WDR72: variants seen among roughly 807,000 people sequenced by gnomAD.
The protein encoded by WDR72 is WD repeat-containing protein 72.
A neutral mutation model predicts 124.2 loss-of-function variants in WDR72; 120 were observed. The ratio of observed to expected loss-of-function variants is 0.97; its 90% CI spans 0.83 to 1.12. WDR72 has a LOEUF of 1.12. Ranked by LOEUF, WDR72 falls within the 50% of genes most tolerant of loss-of-function variation. The pLI is 0.00. For missense variants in WDR72, 1,387 were observed against 1,278.8 expected (o/e 1.08, Z -1.29); for synonymous variants, 452 against 441.7 (o/e 1.02, Z -0.29).
intron 18 of WDR72, among the ~76,000 whole-genome samples, chr15:53,553,152 G>C (rs1484566191): frequency 6.6e-6 from 1 of 152,118 alleles, no homozygotes; most frequent in Non-Finnish European, 1.5e-5. Flanking sequence ...CGGTAGAGGG[G>C]AGATGTAATT....
intron 13 of WDR72, among the ~76,000 whole-genome samples, chr15:53,693,843 T>C (rs1391897804): frequency 6.6e-6 from 1 of 152,206 alleles, no homozygotes; most frequent in African/African-American, 2.4e-5. Context: ...AAATGTTTGT[T>C]TTAAAACTTG....
intron 18 of WDR72, among the ~76,000 whole-genome samples, chr15:53,529,700 A>G (rs973319155): frequency 7.2e-5 from 11 of 151,980 alleles, no homozygotes; most frequent in East Asian, 5.8e-4. Flanking sequence ...ACTCTCCTCA[A>G]TCCAAAGGGA....
intron 18 of WDR72, among the ~76,000 whole-genome samples, chr15:53,524,461 T>C (rs539601271): frequency 3.8e-4 from 58 of 152,232 alleles, no homozygotes; most frequent in African/African-American, 1.3e-3. Flanking sequence ...ACTGTGCTAC[T>C]TCACACATTT....
At chr15:53,607,610 A>G (rs1291539602) in intron 17 of WDR72, among the ~76,000 whole-genome samples, 1 of 152,160 alleles carries the variant, frequency 6.6e-6, no homozygotes, top group African/African-American at 2.4e-5. Flanking sequence ...GGTTTGGGCA[A>G]AAATTTCCTG....
chr15:53,681,185 A>G (rs909190813), intron 13 of WDR72, among the ~76,000 whole-genome samples: 4 of 152,198 alleles, frequency 2.6e-5, no homozygotes, highest in African/African-American at 9.6e-5. Context: ...TTTCCCAGAG[A>G]ATAACAATCA....
intron 14 of WDR72, among the ~76,000 whole-genome samples, chr15:53,637,373 C>G (rs2014663614): frequency 6.6e-6 from 1 of 152,254 alleles, no homozygotes; most frequent in African/African-American, 2.4e-5. Flanking sequence ...TTTAATGTGG[C>G]TTTCCCCAGA....
chr15:53,762,033 G>T (rs185950431), upstream of WDR72, among the ~76,000 whole-genome samples: 166 of 151,746 alleles, frequency 1.1e-3, 2 homozygotes, highest in African/African-American at 3.9e-3. Context: ...TTTTTTTAAG[G>T]TTTCTCAGTT....
intron 2 of WDR72, among the ~76,000 whole-genome samples, chr15:53,726,807 G>A (rs2018052060): frequency 6.6e-6 from 1 of 152,096 alleles, no homozygotes; most frequent in African/African-American, 2.4e-5. Context: ...TCATGCCACT[G>A]CACTCCAGAC....
At position 53,687,153 on chromosome 15, in the gene WDR72, T is replaced by G. The variant is rs544467087; in HGVS notation, c.1765+12597A>C. On this transcript the variant is annotated intron_variant, in intron 13 of 19. Transcript: ENST00000360509. ...ACCCTAACATCACAATTAAAAGAAC[T>G]AGAAAAGCAAGAGCAAACACATTCA... 4.8e-4 allele frequency among the ~76,000 whole-genome samples: 70 copies of G among 147,338 alleles called. 3 individuals are homozygous for G. Among genetic ancestry groups the G allele is most frequent in the African/African-American group, 1.7e-3 (68 of 39,436 alleles).
rs949147759 is a variant in WDR72, at chr15:53,518,673, A to G, written c.3254-919T>C. Among the ~76,000 whole-genome samples the G allele has an allele frequency of 2.6e-5, 4 of 151,644 alleles. No individual in the cohort carries two copies. The East Asian group carries it at 7.8e-4, about 29-fold the overall frequency. Reference sequence around the variant, plus strand: ...CCACATTTTTTCTGCTTCATGCATCATCATCAGCCATCTCCAACACTCCAG... The same window carrying G: ...CCACATTTTTTCTGCTTCATGCATCGTCATCAGCCATCTCCAACACTCCAG... On this transcript the variant is annotated intron_variant, in intron 19 of 19. Coordinates refer to ENST00000360509, the MANE Select transcript of WDR72 (RefSeq NM_182758.4).
intron 14 of WDR72, among the ~76,000 whole-genome samples, chr15:53,661,117 T>C (rs1382580916): frequency 6.6e-6 from 1 of 152,162 alleles, no homozygotes; most frequent in South Asian, 2.1e-4. Flanking sequence ...TAAAGCAGAG[T>C]TGAGTACCCA....
upstream of WDR72, among the ~76,000 whole-genome samples, chr15:53,760,578 C>T (rs115786096): frequency 7.9e-3 from 1,195 of 152,228 alleles, 17 homozygotes; most frequent in African/African-American, 0.027. Context: ...ATCCATTTAT[C>T]GGTTGATGGA....
In WDR72 at chr15:53,616,208, A is replaced by G. The variant is rs747414938; in HGVS notation, c.1998T>C (p.Asn666=). The G allele has an allele frequency of 6.2e-7, 1 of 1,604,316 alleles. No individual in the cohort carries two copies. The highest frequency in any genetic ancestry group is 1.1e-5 in the South Asian group (1 of 90,958). Residue 666 remains asparagine (N), a synonymous_variant, in exon 15 of 20, where the codon AAT becomes AAC. Transcript: ENST00000360509. ...TCCATTTTGTCTTCACAGGCAAGACATTAAAAGGTCTTGGGCAAAATTTGG... is the reference window on the plus strand; with the variant it reads ...TCCATTTTGTCTTCACAGGCAAGACGTTAAAAGGTCTTGGGCAAAATTTGG... ...TDAKFCPRPF[N]VLPVKTKWSN...
In WDR72 at chr15:53,722,792, C is replaced by A; in HGVS notation, c.260+10G>T. On this transcript the variant is annotated intron_variant, in intron 3 of 19. Transcript: ENST00000360509. The stretch of plus-strand genomic sequence containing the variant: ...TGGAGAAGGGGACAAAGTTTACATA[C>A]CATACCTACCCATTTTCAGCAGCAC... 4 of 1,612,194 alleles carry A rather than the reference C, an allele frequency of 2.5e-6. No homozygotes were observed. Among genetic ancestry groups the A allele is most frequent in the Non-Finnish European group, 3.4e-6 (4 of 1,178,250 alleles).
chr15:53,623,502 T>C (rs909737767), intron 14 of WDR72, among the ~76,000 whole-genome samples: 9 of 143,058 alleles, frequency 6.3e-5, no homozygotes, highest in African/African-American at 2.4e-4. Context: ...TATACACACA[T>C]ACACATACAC....
chr15:53,665,890 G>T, intron 13 of WDR72, 122 bp from the exon 14 acceptor site: 2 of 943,414 alleles, frequency 2.1e-6, no homozygotes, highest in Non-Finnish European at 3.3e-6. Flanking sequence ...TTAGTATCTT[G>T]CAACTGAAAA....
intron 14 of WDR72, among the ~76,000 whole-genome samples, chr15:53,649,413 A>G (rs1486716450): frequency 6.6e-6 from 1 of 152,148 alleles, no homozygotes; most frequent in Non-Finnish European, 1.5e-5. Flanking sequence ...AAAATGCAAT[A>G]TAAATATAAA....
chr15:53,655,160 C>T (rs484867), intron 14 of WDR72, among the ~76,000 whole-genome samples: 2 of 141,034 alleles, frequency 1.4e-5, no homozygotes, highest in South Asian at 2.3e-4. Context: ...GAACCTGGGA[C>T]GCAGAGGCTG....
intron 18 of WDR72, among the ~76,000 whole-genome samples, chr15:53,567,862 TTTTTA>T (rs1238418211): frequency 2.6e-5 from 4 of 151,736 alleles, no homozygotes; most frequent in South Asian, 4.2e-4. Flanking sequence ...TAAACCAAAT[TTTTTA>T]TTTTATCAAC....
Sources: allele counts gnomAD v4.1 joint callset (sites outside exome capture counted in the v4.1 genomes callset), GRCh38; gene constraint gnomAD v4.1.1; transcripts MANE v1.5; gene names NCBI Gene and HGNC (gene_info 2026-07-23, HGNC 2026-07-21).